The following SASH1 variants were observed in gnomAD, a reference collection of about 807,000 sequenced individuals.
SASH1 encodes the protein SAM and SH3 domain containing 1.
Under a neutral mutation model 125.2 loss-of-function variants are expected in SASH1, and 44 were observed. The observed-to-expected ratio is 0.35, with a 90% CI of 0.28 to 0.45. The LOEUF (loss-of-function observed/expected upper bound fraction) is 0.45, where lower values mean the gene tolerates loss of function less well. Ranked by LOEUF, SASH1 falls within the 20% of genes least tolerant of loss-of-function variation. The pLI is 1.00. For synonymous variants in SASH1, 639 were observed against 649.1 expected, an observed-to-expected ratio of 0.98 and a Z score of 0.24; for missense variants, 1,426 against 1,614.5, an observed-to-expected ratio of 0.88 and a Z score of 2.00.
At chr6:148,309,958 C>T (rs749727612) in intron 1 of SASH1, among the ~76,000 whole-genome samples, 1 of 152,240 alleles carries the variant, frequency 6.6e-6, no homozygotes, top group Admixed American at 6.5e-5. Context: ...GTAGGGAAGT[C>T]TGGCAGAGTT....
At chr6:148,196,364 A>C in the SASH1 span, among the ~76,000 whole-genome samples, 5 of 152,214 alleles carry the variant, frequency 3.3e-5, no homozygotes, top group African/African-American at 1.2e-4. Context: ...CCTTGCATAC[A>C]ACCCAGTGAA....
intron 1 of SASH1, among the ~76,000 whole-genome samples, chr6:148,301,453 A>G (rs1779942674): frequency 6.6e-6 from 1 of 151,810 alleles, no homozygotes; most frequent in African/African-American, 2.4e-5. Flanking sequence ...TTTGGTAGAG[A>G]CAGGGTTTCG....
chr6:148,394,124 C>T (rs574574402), intron 2 of SASH1, among the ~76,000 whole-genome samples: 1 of 152,194 alleles, frequency 6.6e-6, no homozygotes, highest in Non-Finnish European at 1.5e-5. Flanking sequence ...AACTCCCGAC[C>T]TCAGATGATC....
Position 148,544,404 on chromosome 6 carries a change from C to T in SASH1, c.2934C>T (p.Pro978=), listed in dbSNP as rs771061058. 4 of 1,614,182 alleles carry T rather than the reference C, an allele frequency of 2.5e-6. No individual in the cohort carries two copies. Among genetic ancestry groups the T allele is most frequent in the South Asian group, 1.1e-5 (1 of 91,074 alleles). The stretch of plus-strand genomic sequence containing the variant: ...TAGATGCTGAGCAGAGAATGCAGCC[C>T]AAAATTCCATCACAGCCTCCACCTG... ...EGVDAEQRMQ[P]KIPSQPPPVP... The change falls in exon 18 of 20, where the codon CCC becomes CCT. Residue 978 remains proline, a synonymous_variant. Coordinates refer to ENST00000367467, the MANE Select transcript of SASH1 (RefSeq NM_015278.5). This position sits in a 1 kb window ranked among gnomAD's most constrained non-coding sequence, Gnocchi z 6.4.
intron 6 of SASH1, among the ~76,000 whole-genome samples, chr6:148,473,356 C>T (rs1489909338): frequency 6.6e-6 from 1 of 150,990 alleles, no homozygotes; most frequent in African/African-American, 2.4e-5. Flanking sequence ...GGGTTCAAAG[C>T]AATTCTCCTG....
Position 148,277,621 on chromosome 6 carries a change from A to T in SASH1, n.74+5244A>T, listed in dbSNP as rs140619294. Among the ~76,000 whole-genome samples, 119 of 152,348 alleles carry T rather than the reference A, an allele frequency of 7.8e-4. No homozygotes were observed. In the East Asian group the frequency reaches 0.019, roughly 24 times the overall value. ...GCAGACATTATTATGTTGACACTCCAATAGTTTTCCAAATAGGAAAATAAA... is the reference window on the plus strand; with the variant it reads ...GCAGACATTATTATGTTGACACTCCTATAGTTTTCCAAATAGGAAAATAAA... On this transcript the variant is annotated intron_variant and non_coding_transcript_variant, in intron 1 of 3. Transcript: ENST00000367469.
chr6:148,243,308 GGT>G, the SASH1 span, among the ~76,000 whole-genome samples: 67 of 152,100 alleles, frequency 4.4e-4, no homozygotes, highest in Non-Finnish European at 8.4e-4. Flanking sequence ...AAATTAACTG[GGT>G]GTGGTGGCTC....
At chr6:148,541,769 T>G (rs1782234218) in intron 17 of SASH1, among the ~76,000 whole-genome samples, 1 of 152,168 alleles carries the variant, frequency 6.6e-6, no homozygotes, top group East Asian at 1.9e-4. Flanking sequence ...CTTGTTTGCC[T>G]CACTCTAATT....
the SASH1 span, among the ~76,000 whole-genome samples, chr6:148,232,478 G>A: frequency 1.3e-5 from 2 of 152,190 alleles, no homozygotes; most frequent in African/African-American, 4.8e-5. Context: ...GGGAACAGAA[G>A]TAAGATTAAC....
At chr6:148,396,212 C>T (rs995733985) in intron 2 of SASH1, among the ~76,000 whole-genome samples, 18 of 152,130 alleles carry the variant, frequency 1.2e-4, no homozygotes, top group African/African-American at 4.3e-4. Context: ...GGTGCAGTGG[C>T]TCACACCTGT....
At chr6:148,522,782 G>A (rs888068609) in intron 10 of SASH1, among the ~76,000 whole-genome samples, 2 of 152,084 alleles carry the variant, frequency 1.3e-5, no homozygotes, top group African/African-American at 2.4e-5. Context: ...ATTTATTTAG[G>A]TCATCAACGT....
intron 1 of SASH1, among the ~76,000 whole-genome samples, chr6:148,351,057 T>C (rs932861570): frequency 1.5e-4 from 23 of 152,144 alleles, no homozygotes; most frequent in African/African-American, 5.1e-4. Flanking sequence ...CTATCTTGTA[T>C]CTTTCCTGCC....
intron 7 of SASH1, among the ~76,000 whole-genome samples, chr6:148,476,419 G>A (rs1283094209): frequency 6.6e-6 from 1 of 152,072 alleles, no homozygotes; most frequent in Admixed American, 6.6e-5. Context: ...CACAGAATTA[G>A]AAGAAATGAT....
intron 4 of SASH1, among the ~76,000 whole-genome samples, chr6:148,448,748 A>G (rs909991379): frequency 8.5e-5 from 13 of 152,144 alleles, no homozygotes; most frequent in African/African-American, 1.4e-4. Flanking sequence ...TGGCCTGCCT[A>G]TTACAGCCTC....
At chr6:148,245,330 G>A in the SASH1 span, among the ~76,000 whole-genome samples, 1 of 152,104 alleles carries the variant, frequency 6.6e-6, no homozygotes, top group Non-Finnish European at 1.5e-5. Flanking sequence ...TCGGTTCTTG[G>A]TATTATAGCA....
At chr6:148,268,251 G>A (rs1347241461), upstream of SASH1, among the ~76,000 whole-genome samples, 1 of 152,074 alleles carries the variant, frequency 6.6e-6, no homozygotes, top group Non-Finnish European at 1.5e-5. Context: ...AAAATAATAA[G>A]CTGAGCTTTT....
In SASH1 at chr6:148,543,844, G is replaced by A; in HGVS notation, c.2374G>A (p.Ala792Thr). The A allele has an allele frequency of 1.2e-6, 2 of 1,614,174 alleles. No homozygotes were observed. Among genetic ancestry groups the A allele is most frequent in the Non-Finnish European group, 1.7e-6 (2 of 1,180,022 alleles). Residue 792 changes from alanine to threonine, a missense_variant, in exon 18 of 20, where the codon GCC becomes ACC. By Grantham distance (58) the Ala-to-Thr change is moderately conservative (BLOSUM62 0). Transcript: ENST00000367467. ...QEEGRLGGGL[A>T]PDTSKSCDPP... ...GGAGGGCAGGCTGGGTGGTGGCCTT[G>A]CCCCAGACACGTCCAAGAGCTGTGA...
At chr6:148,287,702 TGGGG>T (rs200082687) in intron 1 of SASH1, among the ~76,000 whole-genome samples, 61,036 of 139,476 alleles carry the variant, frequency 0.44, 12,622 homozygotes, top group African/African-American at 0.53. Flanking sequence ...TGTGGGGGGG[TGGGG>T]GGTGGTATTC....
At chr6:148,320,584 G>A (rs942827914) in intron 1 of SASH1, among the ~76,000 whole-genome samples, 1 of 152,180 alleles carries the variant, frequency 6.6e-6, no homozygotes, top group Non-Finnish European at 1.5e-5. Flanking sequence ...GACAAAGGGT[G>A]GGTTCTTTCA....
Sources: allele counts gnomAD v4.1 joint callset (sites outside exome capture counted in the v4.1 genomes callset), GRCh38; gene constraint gnomAD v4.1.1; non-coding constraint Gnocchi (gnomAD v3.1); transcripts MANE v1.5; gene names NCBI Gene and HGNC (gene_info 2026-07-23, HGNC 2026-07-21).